The following ADARB2 variants were observed in gnomAD, a reference collection of about 807,000 sequenced individuals.
ADARB2 encodes inactive double-stranded RNA-specific editase B2.
Under a neutral mutation model 62.2 loss-of-function variants are expected in ADARB2, and 25 were observed. The observed-to-expected ratio is 0.40, with a 90% CI of 0.29 to 0.56. The LOEUF is 0.56. ADARB2 is among the 20% of genes least tolerant of loss of function. The pLI, the probability that ADARB2 is intolerant of heterozygous loss-of-function variation, is 0.43. For synonymous variants in ADARB2, 572 were observed against 500.8 expected, an observed-to-expected ratio of 1.14 and a Z score of -1.90; for missense variants, 1,071 against 1,077.4, an observed-to-expected ratio of 0.99 and a Z score of 0.08.
chr10:1,261,259 C>T (rs1831133511), intron 4 of ADARB2, among the ~76,000 whole-genome samples: 1 of 149,888 alleles, frequency 6.7e-6, no homozygotes, highest in South Asian at 2.1e-4. Context: ...ACTTCATGTC[C>T]AAAACACCAA....
chr10:1,451,238 C>T (rs745884539), intron 1 of ADARB2, among the ~76,000 whole-genome samples: 15 of 152,196 alleles, frequency 9.9e-5, no homozygotes, highest in South Asian at 2.1e-4. Flanking sequence ...GGTGAACCAG[C>T]GATACAGGTG....
At chr10:1,329,723 C>T (rs986671528) in intron 3 of ADARB2, among the ~76,000 whole-genome samples, 1 of 152,140 alleles carries the variant, frequency 6.6e-6, no homozygotes, top group Non-Finnish European at 1.5e-5. Context: ...ACATCCCTGC[C>T]AGGCACTGGT....
At chr10:1,664,824 C>T (rs549930480) in intron 1 of ADARB2, among the ~76,000 whole-genome samples, 3 of 152,362 alleles carry the variant, frequency 2.0e-5, no homozygotes, top group South Asian at 2.1e-4. Context: ...ATCCTCATCG[C>T]TCTGTTGCCA....
intron 8 of ADARB2, among the ~76,000 whole-genome samples, chr10:1,198,477 A>G (rs943546176): frequency 4.6e-5 from 7 of 152,242 alleles, no homozygotes; most frequent in African/African-American, 1.7e-4. Flanking sequence ...TCCATCAGGA[A>G]CAATGCAGGG....
intron 6 of ADARB2, among the ~76,000 whole-genome samples, chr10:1,233,390 T>C (rs1269385059): frequency 6.6e-6 from 1 of 152,204 alleles, no homozygotes; most frequent in Non-Finnish European, 1.5e-5. Flanking sequence ...CTCACTGGCC[T>C]TCCCTTCATT....
chr10:1,629,031 G>C (rs1052985735), intron 1 of ADARB2, among the ~76,000 whole-genome samples: 2 of 152,234 alleles, frequency 1.3e-5, no homozygotes, highest in Non-Finnish European at 2.9e-5. Flanking sequence ...AGAAGACAGA[G>C]AGAGGGGAGT....
intron 1 of ADARB2, among the ~76,000 whole-genome samples, chr10:1,592,323 C>T (rs112742867): frequency 3.8e-4 from 54 of 141,210 alleles, no homozygotes; most frequent in African/African-American, 1.2e-3. Context: ...CAGCTTCCCT[C>T]GCCCAAGCCA....
intron 3 of ADARB2, among the ~76,000 whole-genome samples, chr10:1,343,126 T>C (rs1362938034): frequency 6.6e-6 from 1 of 152,160 alleles, no homozygotes; most frequent in Non-Finnish European, 1.5e-5. Context: ...AGTCAGGGCT[T>C]TTCTGACATT....
chr10:1,513,949 G>A (rs904200221), intron 1 of ADARB2, among the ~76,000 whole-genome samples: 2 of 151,694 alleles, frequency 1.3e-5, no homozygotes, highest in South Asian at 4.2e-4. Flanking sequence ...ACAGCCGGGG[G>A]CAATGGCTCA....
chr10:1,347,301 C>T (rs937497547), intron 3 of ADARB2, among the ~76,000 whole-genome samples: 4 of 152,198 alleles, frequency 2.6e-5, no homozygotes, highest in African/African-American at 7.2e-5. Context: ...TCTCCCCAGC[C>T]GGCGTCCCTG....
At position 1,615,336 on chromosome 10, in the gene ADARB2, C is replaced by T. The variant is rs140974927; in HGVS notation, c.100+121715G>A. Among the ~76,000 whole-genome samples the T allele has an allele frequency of 6.2e-3, 944 of 152,308 alleles. 16 individuals are homozygous for T. Among genetic ancestry groups the T allele is most frequent in the African/African-American group, 0.022 (900 of 41,580 alleles). ...CTTCCAGATTGAAGTGTGCCTGCCC[C>T]TCCCCAGAGAAGCTGGGCATCCCCT... On this transcript the variant is annotated intron_variant, in intron 1 of 9. Transcript: ENST00000381312.
intron 4 of ADARB2, among the ~76,000 whole-genome samples, chr10:1,246,231 A>G (rs1163259754): frequency 2.0e-5 from 3 of 151,570 alleles, no homozygotes; most frequent in Admixed American, 6.6e-5. Context: ...TAGATTCTGG[A>G]TATTAGCCCT....
Position 1,737,249 on chromosome 10 carries a change from G to A in ADARB2, c.-99C>T, listed in dbSNP as rs1368324925. 1.5e-6 allele frequency: 2 copies of A among 1,295,566 alleles called. No homozygotes were observed. The highest frequency in any genetic ancestry group is 2.3e-5 in the East Asian group (1 of 43,154). The allele number at this position is 1,295,566 out of a possible 1,614,324, so 80.3% of individuals were successfully genotyped here. A position where few individuals can be genotyped will look rare whatever the true frequency, so the allele number is the denominator to read the frequency against. On this transcript the variant is annotated 5_prime_UTR_variant, in exon 1 of 10. Coordinates refer to ENST00000381312, the MANE Select transcript of ADARB2 (RefSeq NM_018702.4). ...CGCCGCCGCTGCTGCGAAGCTTGAG[G>A]TTGCAAACCCGGGAGCGGCTCACTT... is the stretch of plus-strand genomic sequence containing the variant.
At chr10:1,262,664 C>T (rs1831153325) in intron 4 of ADARB2, among the ~76,000 whole-genome samples, 1 of 152,152 alleles carries the variant, frequency 6.6e-6, no homozygotes, top group Non-Finnish European at 1.5e-5. Flanking sequence ...GAAATAGGAA[C>T]ACTTTTACCC....
intron 3 of ADARB2, among the ~76,000 whole-genome samples, chr10:1,345,364 C>T (rs1832071387): frequency 6.6e-6 from 1 of 152,192 alleles, no homozygotes; most frequent in Admixed American, 6.5e-5. Flanking sequence ...GCATATGTTG[C>T]TCCGGACACC....
chr10:1,627,521 G>A (rs1201227549), intron 1 of ADARB2, among the ~76,000 whole-genome samples: 1 of 152,102 alleles, frequency 6.6e-6, no homozygotes, highest in Non-Finnish European at 1.5e-5. Flanking sequence ...CATAATCAAA[G>A]TAGAAAACCA....
intron 1 of ADARB2, among the ~76,000 whole-genome samples, chr10:1,486,786 G>A (rs73582332): frequency 0.058 from 8,879 of 152,184 alleles, 769 homozygotes; most frequent in African/African-American, 0.19. Flanking sequence ...AGGTATCCAG[G>A]ACTGCCAGAT....
chr10:1,467,533 A>G (rs1271425572), intron 1 of ADARB2, among the ~76,000 whole-genome samples: 1 of 152,050 alleles, frequency 6.6e-6, no homozygotes, highest in Non-Finnish European at 1.5e-5. Flanking sequence ...CAGGATGGAG[A>G]CTCAGGGTCT....
intron 3 of ADARB2, among the ~76,000 whole-genome samples, chr10:1,353,652 C>T (rs969373457): frequency 1.3e-5 from 2 of 151,648 alleles, no homozygotes; most frequent in African/African-American, 2.4e-5. Context: ...GTGGCCACTC[C>T]GTTATGTATC....
Sources: gnomAD v4.1 joint callset for allele counts (sites outside exome capture counted in the v4.1 genomes callset) on GRCh38, gnomAD v4.1.1 for gene constraint, MANE v1.5 for transcripts, NCBI Gene and HGNC (gene_info 2026-07-23, HGNC 2026-07-21) for gene names.